The following ADAMTS16 variants were observed in gnomAD, a reference collection of about 807,000 sequenced individuals.
ADAMTS16 encodes ADAM metallopeptidase with thrombospondin type 1 motif 16.
In ADAMTS16, 94 loss-of-function variants were observed where a neutral mutation model predicts 145.8. The observed-to-expected ratio is 0.64, with a 90% CI of 0.55 to 0.77. The LOEUF is 0.77. Ranked by LOEUF, ADAMTS16 falls within the 30% of genes least tolerant of loss-of-function variation. ADAMTS16 has a pLI of 0.00. For missense variants in ADAMTS16, 1,585 were observed against 1,591.5 expected, an observed-to-expected ratio of 1.00 and a Z score of 0.07; for synonymous variants, 659 against 604.3, an observed-to-expected ratio of 1.09 and a Z score of -1.33.
intron 17 of ADAMTS16, among the ~76,000 whole-genome samples, chr5:5,261,223 C>G (rs928646431): frequency 6.6e-6 from 1 of 152,192 alleles, no homozygotes; most frequent in Non-Finnish European, 1.5e-5. Context: ...CCACTGCAGC[C>G]TCTACCTTCC....
At chr5:5,279,023 G>A (rs993118695) in intron 18 of ADAMTS16, among the ~76,000 whole-genome samples, 16 of 152,142 alleles carry the variant, frequency 1.1e-4, no homozygotes. Flanking sequence ...TTGAACAAAG[G>A]TTAGGAGGAG....
intron 17 of ADAMTS16, among the ~76,000 whole-genome samples, chr5:5,258,376 T>C (rs1737870336): frequency 6.6e-6 from 1 of 152,208 alleles, no homozygotes; most frequent in Non-Finnish European, 1.5e-5. Flanking sequence ...CAAAGTGTAG[T>C]CCTTGGTCCA....
chr5:5,154,650 C>T (rs1037679915), intron 3 of ADAMTS16, among the ~76,000 whole-genome samples: 1 of 151,992 alleles, frequency 6.6e-6, no homozygotes, highest in Non-Finnish European at 1.5e-5. Context: ...ATCACAAAGT[C>T]GGGTGGAATT....
At chr5:5,288,575 C>T (rs1739185372) in intron 18 of ADAMTS16, among the ~76,000 whole-genome samples, 1 of 152,108 alleles carries the variant, frequency 6.6e-6, no homozygotes, top group Non-Finnish European at 1.5e-5. Context: ...AGTAGAAATA[C>T]ACAACTTTTA....
In ADAMTS16 at chr5:5,148,949, G is replaced by T. The variant is rs149311264; in HGVS notation, c.501+2494G>T. Among the ~76,000 whole-genome samples the T allele has an allele frequency of 2.1e-3, 324 of 152,202 alleles. 1 individual carries two copies. The highest frequency in any genetic ancestry group is 7.4e-3 in the African/African-American group (308 of 41,508). On this transcript the variant is annotated intron_variant, in intron 3 of 22. Transcript: ENST00000274181. ...TGGAGAGTGTCAGGGTAGGATTTTA[G>T]AGACTGTCCAGAAACCAAGTCCAAG...
intron 18 of ADAMTS16, among the ~76,000 whole-genome samples, chr5:5,280,838 G>C (rs889507278): frequency 1.3e-5 from 2 of 152,040 alleles, no homozygotes; most frequent in African/African-American, 4.8e-5. Flanking sequence ...TTACCTCTAG[G>C]GGAACCTACT....
At chr5:5,286,141 T>C (rs1322274581) in intron 18 of ADAMTS16, among the ~76,000 whole-genome samples, 2 of 152,210 alleles carry the variant, frequency 1.3e-5, no homozygotes, top group East Asian at 3.8e-4. Flanking sequence ...AACTAGAGAA[T>C]GAGGTCTTTA....
intron 17 of ADAMTS16, among the ~76,000 whole-genome samples, chr5:5,251,805 G>T (rs1737631296): frequency 6.6e-6 from 1 of 152,212 alleles, no homozygotes. Context: ...CGGGCCCCCA[G>T]CCCAGACCTA....
chr5:5,151,349 C>T (rs1734451840), intron 3 of ADAMTS16, among the ~76,000 whole-genome samples: 1 of 151,870 alleles, frequency 6.6e-6, no homozygotes, highest in African/African-American at 2.4e-5. Context: ...AGTGATTCTC[C>T]TGCCTCAGCC....
intron 18 of ADAMTS16, among the ~76,000 whole-genome samples, chr5:5,264,726 G>A (rs1738171446): frequency 6.6e-6 from 1 of 152,106 alleles, no homozygotes; most frequent in African/African-American, 2.4e-5. Context: ...AAAGCCACCA[G>A]CCCTGCCTCA....
At chr5:5,176,422 C>A (rs994771129) in intron 3 of ADAMTS16, among the ~76,000 whole-genome samples, 1 of 152,154 alleles carries the variant, frequency 6.6e-6, no homozygotes, top group Admixed American at 6.5e-5. Context: ...AAAATTATAT[C>A]ACTATGAAGA....
intron 18 of ADAMTS16, among the ~76,000 whole-genome samples, chr5:5,295,645 T>C (rs77468379): frequency 0.023 from 3,429 of 151,586 alleles, 122 homozygotes; most frequent in African/African-American, 0.079. Flanking sequence ...TAAAGAAGAG[T>C]TTCTAACAAG....
intron 21 of ADAMTS16, among the ~76,000 whole-genome samples, chr5:5,309,857 C>T (rs201252860): frequency 2.6e-5 from 3 of 114,792 alleles, no homozygotes; most frequent in African/African-American, 1.1e-4. Flanking sequence ...TGTGTGTGTG[C>T]ATGTGATCAG....
Position 5,239,914 on chromosome 5 carries a change from C to T in ADAMTS16, c.2512C>T (p.Leu838=). 1.2e-6 allele frequency: 2 copies of T among 1,613,830 alleles called. No individual in the cohort carries two copies. Among genetic ancestry groups the T allele is most frequent in the Non-Finnish European group, 8.5e-7 (1 of 1,179,888 alleles). The change falls in exon 16 of 23, where the codon CTG becomes TTG. Residue 838 remains leucine, a synonymous_variant. Coordinates refer to ENST00000274181, the MANE Select transcript of ADAMTS16 (RefSeq NM_139056.4). Reference sequence around the variant, plus strand: ...CGCTACTGGACCAACCAACGAGACACTGATTGTGGAGGTAAAGTCCAGCCT... The same window carrying T: ...CGCTACTGGACCAACCAACGAGACATTGATTGTGGAGGTAAAGTCCAGCCT... ...LIATGPTNET[L]IVELLFQGRN...
At chr5:5,312,392 TG>T (rs1740491319) in intron 21 of ADAMTS16, among the ~76,000 whole-genome samples, 2 of 152,146 alleles carry the variant, frequency 1.3e-5, no homozygotes, top group Non-Finnish European at 2.9e-5. Flanking sequence ...CTACAAACTT[TG>T]CCCAGGAGAC....
chr5:5,292,143 CCT>C (rs1407491512), intron 18 of ADAMTS16, among the ~76,000 whole-genome samples: 1 of 152,168 alleles, frequency 6.6e-6, no homozygotes, highest in African/African-American at 2.4e-5. Flanking sequence ...GAAATTTCTA[CCT>C]ACAGTCTAGC....
chr5:5,233,408 G>A lies in ADAMTS16; in HGVS notation c.1850+892G>A, dbSNP rs181040777. 2.0e-5 allele frequency among the ~76,000 whole-genome samples: 3 copies of A among 152,272 alleles called. No homozygotes were observed. In the South Asian group the frequency reaches 6.2e-4, roughly 32 times the overall value. On this transcript the variant is annotated intron_variant, in intron 12 of 22. Transcript: ENST00000274181. Reference sequence around the variant, plus strand: ...TTACATAAGCAAACTTGTGTCACGGGTGTGTGTTGTGCAGATTATTTCATC... The same window carrying A: ...TTACATAAGCAAACTTGTGTCACGGATGTGTGTTGTGCAGATTATTTCATC...
rs371292143 is a variant in ADAMTS16, at chr5:5,310,056, G to A, written c.3411+3328G>A. Among the ~76,000 whole-genome samples, 13 of 152,142 alleles carry A rather than the reference G, an allele frequency of 8.5e-5. No individual in the cohort carries two copies. The highest frequency in any genetic ancestry group is 1.7e-4 in the African/African-American group (7 of 41,424). ...GGCAAAACCCACCATAGGCCACTCC[G>A]CAGGCAGAGGAGTGCAGAAATTAGT... On this transcript the variant is annotated intron_variant, in intron 21 of 22. Transcript: ENST00000274181. The surrounding 1 kb of genome is among the most constrained non-coding windows in gnomAD (Gnocchi z 4.3).
At chr5:5,222,566 T>A (rs975292220) in intron 10 of ADAMTS16, among the ~76,000 whole-genome samples, 7 of 152,150 alleles carry the variant, frequency 4.6e-5, no homozygotes, top group Non-Finnish European at 1.0e-4. Flanking sequence ...AGATAATATA[T>A]AAATAAAACA....
Sources: allele counts gnomAD v4.1 joint callset (sites outside exome capture counted in the v4.1 genomes callset), GRCh38; gene constraint gnomAD v4.1.1; non-coding constraint Gnocchi (gnomAD v3.1); transcripts MANE v1.5; gene names NCBI Gene and HGNC (gene_info 2026-07-23, HGNC 2026-07-21).